ADCY1: variants seen among roughly 807,000 people sequenced by gnomAD.
The protein encoded by ADCY1 is adenylate cyclase 1.
A neutral mutation model predicts 105.4 loss-of-function variants in ADCY1; 28 were observed. The observed-to-expected ratio is 0.27, with a 90% CI of 0.20 to 0.36. ADCY1 has a LOEUF of 0.36. Among genes scored for constraint, ADCY1 ranks in the 10% least tolerant of loss-of-function variants. The probability of loss-of-function intolerance (pLI) is 1.00; values close to 1 mark genes in which losing one functional copy is unlikely to be tolerated. For synonymous variants in ADCY1, 655 were observed against 623.8 expected (o/e 1.05, Z -0.75); for missense variants, 977 against 1,434.2 (o/e 0.68, Z 5.15).
At chr7:45,671,187 G>A (rs1384794016) in intron 8 of ADCY1, among the ~76,000 whole-genome samples, 1 of 152,192 alleles carries the variant, frequency 6.6e-6, no homozygotes, top group Non-Finnish European at 1.5e-5. Flanking sequence ...GTATCATACA[G>A]TATGTGATCT....
In ADCY1 at chr7:45,574,679, GA is replaced by G; in HGVS notation, c.137del (p.Glu46GlyfsTer17). ...CDEEFACPEL[E>X]ALFRGYTLRL... ...CGAGGAGTTCGCTTGCCCAGAGCTGGAGGCGCTGTTCCGCGGCTACACGCTG... is the reference window on the plus strand; with the variant it reads ...CGAGGAGTTCGCTTGCCCAGAGCTGGGGCGCTGTTCCGCGGCTACACGCTG... On this transcript the variant is annotated frameshift_variant, in exon 1 of 20. Coordinates refer to ENST00000297323, the MANE Select transcript of ADCY1 (RefSeq NM_021116.4). LOFTEE classifies it high-confidence loss of function. This position sits in a 1 kb window ranked among gnomAD's most constrained non-coding sequence, Gnocchi z 7.0. 7.2e-7 allele frequency: 1 copy of G among 1,384,922 alleles called. No homozygotes were observed. The highest frequency in any genetic ancestry group is 9.3e-7 in the Non-Finnish European group (1 of 1,073,978). The allele number at this position is 1,384,922 out of a possible 1,614,324, so 85.8% of individuals were successfully genotyped here. A position where few individuals can be genotyped will look rare whatever the true frequency, so the allele number is the denominator to read the frequency against.
chr7:45,719,764 C>T lies in ADCY1; in HGVS notation c.*5769C>T, dbSNP rs1023550039. On this transcript the variant is annotated 3_prime_UTR_variant, in exon 20 of 20. Transcript: ENST00000297323. ...GAACAAAATTAAATTTGAATACAGT[C>T]AGATAACTGCCACGCAGGGCATTTG... The T allele has an allele frequency of 6.6e-6, 1 of 152,188 alleles. No homozygotes were observed. Among genetic ancestry groups the T allele is most frequent in the Non-Finnish European group, 1.5e-5 (1 of 68,038 alleles). 9.4% of individuals were successfully genotyped at this position (152,188 alleles called of 1,614,324 possible). A position where few individuals can be genotyped will look rare whatever the true frequency, so the allele number is the denominator to read the frequency against.
At chr7:45,679,922 C>T (rs1784524691) in intron 11 of ADCY1, 129 bp downstream of exon 11, 1 of 1,144,448 alleles carries the variant, frequency 8.7e-7, no homozygotes, top group South Asian at 1.2e-5. Context: ...CTGCATATCA[C>T]CTTGTTCAGG....
intron 4 of ADCY1, among the ~76,000 whole-genome samples, chr7:45,629,465 C>T (rs1794165562): frequency 6.6e-6 from 1 of 151,758 alleles, no homozygotes; most frequent in African/African-American, 2.4e-5. Flanking sequence ...TGGGTAAATA[C>T]CTAGAAGTAG....
intron 12 of ADCY1, among the ~76,000 whole-genome samples, chr7:45,685,598 G>C (rs769730566): frequency 6.6e-6 from 1 of 150,862 alleles, no homozygotes; most frequent in Admixed American, 6.6e-5. Context: ...AGGAGGAACA[G>C]GACAGAGCTG....
At chr7:45,580,400 C>G (rs905595463) in intron 1 of ADCY1, among the ~76,000 whole-genome samples, 1 of 152,196 alleles carries the variant, frequency 6.6e-6, no homozygotes, top group South Asian at 2.1e-4. Context: ...GCCGGGGCCT[C>G]CCTGCCTCTC....
chr7:45,577,556 C>G (rs901967241), intron 1 of ADCY1, among the ~76,000 whole-genome samples: 10 of 152,250 alleles, frequency 6.6e-5, no homozygotes, highest in Admixed American at 6.5e-4. Flanking sequence ...CATCCACTTT[C>G]TATTCAGACC....
At chr7:45,624,217 A>G (rs1793988056) in intron 4 of ADCY1, among the ~76,000 whole-genome samples, 1 of 152,122 alleles carries the variant, frequency 6.6e-6, no homozygotes, top group Non-Finnish European at 1.5e-5. Flanking sequence ...GCCAGGCGGT[A>G]GTCACACGAG....
chr7:45,689,750 C>T (rs995476837), intron 14 of ADCY1, among the ~76,000 whole-genome samples: 17 of 152,188 alleles, frequency 1.1e-4, no homozygotes, highest in Non-Finnish European at 7.3e-5. Context: ...TGAGTCCTCA[C>T]GCCAGAAGGC....
At chr7:45,633,772 A>G (rs1475384489) in intron 4 of ADCY1, among the ~76,000 whole-genome samples, 1 of 148,968 alleles carries the variant, frequency 6.7e-6, no homozygotes, top group Non-Finnish European at 1.5e-5. Flanking sequence ...ACTGCACTCC[A>G]GCCTGGTGAC....
chr7:45,710,192 CT>C lies in ADCY1; in HGVS notation c.2933-335del, dbSNP rs1785199251. Among the ~76,000 whole-genome samples, 1 of 152,212 alleles carries C rather than the reference CT, an allele frequency of 6.6e-6. No homozygotes were observed. Among genetic ancestry groups the C allele is most frequent in the Non-Finnish European group, 1.5e-5 (1 of 68,034 alleles). The stretch of plus-strand genomic sequence containing the variant: ...AAGGCCACACTTCTGAGTGGCTCCC[CT>C]GGTAGGGCTCAGCACAGAGGCTGCT... On this transcript the variant is annotated intron_variant, in intron 18 of 19. Transcript: ENST00000297323. The surrounding 1 kb of genome is among the most constrained non-coding windows in gnomAD (Gnocchi z 4.7).
In ADCY1 at chr7:45,720,000, T is replaced by A. The variant is rs1785439216; in HGVS notation, c.*6005T>A. The A allele has an allele frequency of 6.6e-6, 1 of 151,944 alleles. No individual in the cohort carries two copies. Among genetic ancestry groups the A allele is most frequent in the Non-Finnish European group, 1.5e-5 (1 of 67,990 alleles). 9.4% of individuals were successfully genotyped at this position (151,944 alleles called of 1,614,324 possible). On this transcript the variant is annotated 3_prime_UTR_variant, in exon 20 of 20. Coordinates refer to ENST00000297323, the MANE Select transcript of ADCY1 (RefSeq NM_021116.4). ...ATTTTTTCTTTTTGGGTTCTCGGTG[T>A]GCAGAGGCTGTAGAGAGAGCCTCAG... is the stretch of plus-strand genomic sequence containing the variant.
At chr7:45,687,353 G>A (rs1445474787) in intron 14 of ADCY1, among the ~76,000 whole-genome samples, 4 of 152,186 alleles carry the variant, frequency 2.6e-5, no homozygotes, top group African/African-American at 9.7e-5. Flanking sequence ...TTCCTGCTGC[G>A]GAGCCACAGC....
intron 4 of ADCY1, among the ~76,000 whole-genome samples, chr7:45,636,260 G>A (rs1310038266): frequency 6.6e-6 from 1 of 152,160 alleles, no homozygotes; most frequent in South Asian, 2.1e-4. Context: ...AAATGGCATA[G>A]TATTTGCATA....
chr7:45,615,460 A>G (rs1278584647), intron 3 of ADCY1, among the ~76,000 whole-genome samples: 2 of 152,104 alleles, frequency 1.3e-5, no homozygotes, highest in African/African-American at 2.4e-5. Flanking sequence ...TTAGCCAGGC[A>G]TGGTGGCATG....
chr7:45,590,221 C>G (rs911946691), intron 1 of ADCY1, among the ~76,000 whole-genome samples: 1 of 148,606 alleles, frequency 6.7e-6, no homozygotes, highest in African/African-American at 2.4e-5. Flanking sequence ...TGTCCCCACC[C>G]CCCCATGGAC....
chr7:45,595,451 C>T lies in ADCY1; in HGVS notation c.789+2543C>T, dbSNP rs550609304. On this transcript the variant is annotated intron_variant, in intron 2 of 19. Transcript: ENST00000297323. ...CTCTCTCTCTGTGAGGACTTGTCAC[C>T]TCCTGTTTCCCCTGCCCCTTTCCGT... is the stretch of plus-strand genomic sequence containing the variant. Among the ~76,000 whole-genome samples, 4 of 152,306 alleles carry T rather than the reference C, an allele frequency of 2.6e-5. No individual in the cohort carries two copies. The South Asian group carries it at 8.3e-4, about 32-fold the overall frequency.
At chr7:45,695,302 A>C (rs921531839) in intron 14 of ADCY1, among the ~76,000 whole-genome samples, 13 of 152,230 alleles carry the variant, frequency 8.5e-5, no homozygotes, top group Non-Finnish European at 1.9e-4. Flanking sequence ...GTGGAACTTC[A>C]TGTGGCCATT....
In ADCY1 at chr7:45,608,595, C is replaced by T. The variant is rs191636631; in HGVS notation, c.790-1784C>T. Among the ~76,000 whole-genome samples the T allele has an allele frequency of 4.2e-3, 642 of 152,342 alleles. 3 individuals are homozygous for T. Among genetic ancestry groups the T allele is most frequent in the Non-Finnish European group, 7.6e-3 (514 of 68,038 alleles). ...AGCTCCAGTCTCCCATGCTGGGGGC[C>T]GTGTGCGGGAAGTCAGGATGTGTGC... is the stretch of plus-strand genomic sequence containing the variant. On this transcript the variant is annotated intron_variant, in intron 2 of 19. Transcript: ENST00000297323.
Sources: allele counts gnomAD v4.1 joint callset (sites outside exome capture counted in the v4.1 genomes callset), GRCh38; gene constraint gnomAD v4.1.1; non-coding constraint Gnocchi (gnomAD v3.1); transcripts MANE v1.5; gene names NCBI Gene and HGNC (gene_info 2026-07-23, HGNC 2026-07-21).